CELF2: variants seen among roughly 807,000 people sequenced by gnomAD.
CELF2 encodes the protein CUGBP Elav-like family member 2.
A neutral mutation model predicts 62.6 loss-of-function variants in CELF2; 8 were observed. The observed-to-expected ratio is 0.13, with a 90% CI of 0.07 to 0.23. CELF2 has a LOEUF of 0.23. CELF2 is among the 10% of genes least tolerant of loss of function. CELF2 has a pLI of 1.00. For synonymous variants in CELF2, 258 were observed against 250.0 expected, an observed-to-expected ratio of 1.03 and a Z score of -0.30; for missense variants, 333 against 671.0, an observed-to-expected ratio of 0.50 and a Z score of 5.56.
chr10:10,886,595 A>G (rs2061764607), intron 1 of CELF2, among the ~76,000 whole-genome samples: 1 of 152,196 alleles, frequency 6.6e-6, no homozygotes, highest in African/African-American at 2.4e-5. Context: ...CCAGCCCTTC[A>G]GGAGGCCAAG....
the CELF2 span, among the ~76,000 whole-genome samples, chr10:10,634,666 CT>C: frequency 2.5e-4 from 35 of 140,900 alleles, no homozygotes; most frequent in Non-Finnish European, 3.1e-4. Flanking sequence ...CTTTTCTTTT[CT>C]TTTTTTTTTT....
At chr10:11,083,173 G>A (rs761666764) in intron 1 of CELF2, among the ~76,000 whole-genome samples, 99 of 152,204 alleles carry the variant, frequency 6.5e-4, no homozygotes, top group African/African-American at 1.3e-3. Flanking sequence ...TTCATACCAC[G>A]GAATCTGTTG....
chr10:10,520,613 G>GGGCAGGCGTAATAGGGGAAC, the CELF2 span, among the ~76,000 whole-genome samples: 1 of 152,130 alleles, frequency 6.6e-6, no homozygotes, highest in African/African-American at 2.4e-5. Context: ...CAAGAGAATA[G>GGGCAGGCGTAATAGGGGAAC]GGCAGGCGTA....
chr10:10,709,898 A>C, the CELF2 span, among the ~76,000 whole-genome samples: 3 of 152,282 alleles, frequency 2.0e-5, no homozygotes, highest in South Asian at 4.1e-4. Context: ...TGTTTGACCA[A>C]CCTAACTCTC....
At chr10:10,759,307 T>C in the CELF2 span, among the ~76,000 whole-genome samples, 25,298 of 132,868 alleles carry the variant, frequency 0.19, 2,902 homozygotes, top group Non-Finnish European at 0.26. Context: ...TTTTTTTTTT[T>C]TTTTTTTTTT....
chr10:10,744,146 T>G, the CELF2 span, among the ~76,000 whole-genome samples: 1 of 152,164 alleles, frequency 6.6e-6, no homozygotes, highest in Non-Finnish European at 1.5e-5. Context: ...CTCAAGCCCA[T>G]GTATACGAGT....
chr10:11,314,438 A>G lies in CELF2; in HGVS notation c.1096+180A>G. ...TGTCTACACTCGTTTTGCCTCAGAA[A>G]ATCCCCAACCACTCTCCACCCCCAG... On this transcript the variant is annotated intron_variant, in intron 10 of 12. Coordinates refer to ENST00000633077, the MANE Select transcript of CELF2 (RefSeq NM_001326342.2). The surrounding 1 kb of genome is among the most constrained non-coding windows in gnomAD (Gnocchi z 5.3). 1 of 752,978 alleles carries G rather than the reference A, an allele frequency of 1.3e-6. No homozygotes were observed. Among genetic ancestry groups the G allele is most frequent in the Non-Finnish European group, 2.3e-6 (1 of 437,034 alleles). 46.6% of individuals were successfully genotyped at this position (752,978 alleles called of 1,614,324 possible).
At chr10:10,483,765 C>A in the CELF2 span, among the ~76,000 whole-genome samples, 2 of 151,994 alleles carry the variant, frequency 1.3e-5, no homozygotes, top group Non-Finnish European at 2.9e-5. Context: ...AATTGAACAA[C>A]GCAAAATATT....
At chr10:11,245,594 G>A (rs2075353547) in intron 3 of CELF2, among the ~76,000 whole-genome samples, 1 of 152,242 alleles carries the variant, frequency 6.6e-6, no homozygotes, top group Non-Finnish European at 1.5e-5. Flanking sequence ...GGCAGTAGCT[G>A]AGTTATCACC....
At chr10:10,836,868 C>G (rs1402239071) in intron 1 of CELF2, among the ~76,000 whole-genome samples, 1 of 152,196 alleles carries the variant, frequency 6.6e-6, no homozygotes, top group East Asian at 1.9e-4. Context: ...ACCTCCTGAC[C>G]TCGTGATCTG....
At chr10:11,240,686 G>T (rs555185835) in intron 3 of CELF2, among the ~76,000 whole-genome samples, 3 of 152,042 alleles carry the variant, frequency 2.0e-5, no homozygotes, top group African/African-American at 7.3e-5. Flanking sequence ...TTGTTCTTGG[G>T]CTAATTGTTA....
chr10:10,931,374 G>C lies in CELF2; in HGVS notation c.89+11375G>C, dbSNP rs958684493. ...TTGTCATGCTGGCTGGGGGTGGGGGGTGTAACTTTAAGGAATAATGCCAAG... is the reference window on the plus strand; with the variant it reads ...TTGTCATGCTGGCTGGGGGTGGGGGCTGTAACTTTAAGGAATAATGCCAAG... On this transcript the variant is annotated intron_variant, in intron 2 of 13. Transcript: ENST00000636488. The surrounding 1 kb of genome is among the most constrained non-coding windows in gnomAD (Gnocchi z 6.1). 6.6e-6 allele frequency among the ~76,000 whole-genome samples: 1 copy of C among 152,034 alleles called. No individual in the cohort carries two copies. Among genetic ancestry groups the C allele is most frequent in the African/African-American group, 2.4e-5 (1 of 41,394 alleles).
chr10:11,043,576 C>T (rs1377837927), intron 1 of CELF2, among the ~76,000 whole-genome samples: 1 of 152,096 alleles, frequency 6.6e-6, no homozygotes, highest in African/African-American at 2.4e-5. Flanking sequence ...CTGAATCAAG[C>T]TCCTCATCCC....
chr10:10,471,789 T>C, the CELF2 span, among the ~76,000 whole-genome samples: 1 of 151,874 alleles, frequency 6.6e-6, no homozygotes, highest in Non-Finnish European at 1.5e-5. Flanking sequence ...GCTATCCTCC[T>C]GGTAATAAAT....
chr10:10,748,503 C>T, the CELF2 span, among the ~76,000 whole-genome samples: 1 of 152,016 alleles, frequency 6.6e-6, no homozygotes, highest in Non-Finnish European at 1.5e-5. Context: ...AATCCCAGCA[C>T]TTTGGGAGGC....
chr10:10,685,467 G>A, the CELF2 span, among the ~76,000 whole-genome samples: 1 of 152,028 alleles, frequency 6.6e-6, no homozygotes, highest in African/African-American at 2.4e-5. Flanking sequence ...ATACAGAGCC[G>A]TAACTTATAA....
chr10:11,176,501 A>G (rs566948960), intron 2 of CELF2, among the ~76,000 whole-genome samples: 1 of 152,244 alleles, frequency 6.6e-6, no homozygotes, highest in Admixed American at 6.5e-5. Flanking sequence ...TGTGTGTGGA[A>G]CTCTGACGTG....
rs1310877373 is a variant in CELF2 at position 11,296,533 on chromosome 10, T to C, written c.976+7981T>C. Among the ~76,000 whole-genome samples the C allele has an allele frequency of 1.3e-5, 2 of 152,184 alleles. No individual in the cohort carries two copies. The highest frequency in any genetic ancestry group is 2.9e-5 in the Non-Finnish European group (2 of 68,040). ...TATTAGGTGGGAAAATCAGCAAAGC[T>C]TTATTCTAGTCACAACTTCCCAGAA... On this transcript the variant is annotated intron_variant, in intron 9 of 12. Transcript: ENST00000633077. The surrounding 1 kb of genome is among the most constrained non-coding windows in gnomAD (Gnocchi z 5.0).
rs140049096 is a variant in CELF2 at position 11,025,239 on chromosome 10, G to GTATGTATATATATATATATA, written c.74+7079_74+7080insGTATATATATATATATATAT. On this transcript the variant is annotated intron_variant, in intron 1 of 12. Coordinates refer to ENST00000633077, the MANE Select transcript of CELF2 (RefSeq NM_001326342.2). ...TGTGTGTGTGTGTGTGTGTGTGTGT[G>GTATGTATATATATATATATA]TATATGTATGTGACTGTATATCTGG... 2.1e-5 allele frequency among the ~76,000 whole-genome samples: 3 copies of GTATGTATATATATATATATA among 140,998 alleles called. No homozygotes were observed. The South Asian group carries it at 7.0e-4, about 33-fold the overall frequency. The allele number at this position is 140,998 out of a possible 152,430, so 92.5% of individuals were successfully genotyped here.
Sources: gnomAD v4.1 joint callset for allele counts (sites outside exome capture counted in the v4.1 genomes callset) on GRCh38, gnomAD v4.1.1 for gene constraint, Gnocchi (gnomAD v3.1) non-coding constraint, MANE v1.5 for transcripts, NCBI Gene and HGNC (gene_info 2026-07-23, HGNC 2026-07-21) for gene names.